SCN11A: variants seen among roughly 807,000 people sequenced by gnomAD.
SCN11A encodes sodium voltage-gated channel alpha subunit 11.
A neutral mutation model predicts 162.2 loss-of-function variants in SCN11A; 122 were observed. That is an observed-to-expected ratio of 0.75 (90% CI 0.65 to 0.87). The LOEUF (loss-of-function observed/expected upper bound fraction) is 0.87, where lower values mean the gene tolerates loss of function less well. Ranked by LOEUF, SCN11A falls within the 40% of genes least tolerant of loss-of-function variation. SCN11A has a pLI of 0.00. For synonymous variants in SCN11A, 758 were observed against 751.5 expected (o/e 1.01, Z -0.14); for missense variants, 2,015 against 2,181.6 (o/e 0.92, Z 1.52).
chr3:38,861,048 G>A (rs371922146), intron 28 of SCN11A, among the ~76,000 whole-genome samples: 1 of 152,014 alleles, frequency 6.6e-6, no homozygotes, highest in African/African-American at 2.4e-5. Flanking sequence ...TAAAGTTTCA[G>A]GATACAAAAT....
At chr3:39,037,116 G>A (rs899929633) in intron 1 of SCN11A, among the ~76,000 whole-genome samples, 1 of 152,210 alleles carries the variant, frequency 6.6e-6, no homozygotes. Context: ...AATGTGGCAC[G>A]TGTATACGAT....
chr3:38,867,805 C>A (rs1049212477), intron 26 of SCN11A, among the ~76,000 whole-genome samples: 1 of 152,072 alleles, frequency 6.6e-6, no homozygotes, highest in African/African-American at 2.4e-5. Context: ...CTGGAGGGAA[C>A]CTGACTGGAG....
At chr3:38,987,615 G>T (rs555966414) in intron 2 of SCN11A, among the ~76,000 whole-genome samples, 5 of 151,766 alleles carry the variant, frequency 3.3e-5, no homozygotes, top group African/African-American at 1.2e-4. Context: ...ACCTGAAGGG[G>T]TCTAACTTCA....
At chr3:38,870,216 C>T (rs962342824) in intron 26 of SCN11A, among the ~76,000 whole-genome samples, 1 of 152,154 alleles carries the variant, frequency 6.6e-6, no homozygotes, top group Non-Finnish European at 1.5e-5. Flanking sequence ...AACAGCTGGT[C>T]ATCACTAGAA....
chr3:38,900,494 A>G (rs921266314), intron 16 of SCN11A, among the ~76,000 whole-genome samples: 18 of 152,178 alleles, frequency 1.2e-4, no homozygotes, highest in African/African-American at 2.7e-4. Flanking sequence ...AAAACTAAGG[A>G]TAATTATCCC....
chr3:38,891,292 C>T (rs1029167450), intron 19 of SCN11A, among the ~76,000 whole-genome samples: 2 of 151,938 alleles, frequency 1.3e-5, no homozygotes, highest in African/African-American at 4.8e-5. Flanking sequence ...GAGAGACCAA[C>T]AGTACATTTG....
chr3:38,847,114 G>A lies in SCN11A; in HGVS notation c.4956C>T (p.Ala1652=), dbSNP rs770041868. 3 of 1,614,164 alleles carry A rather than the reference G, an allele frequency of 1.9e-6. No homozygotes were observed. The highest frequency in any genetic ancestry group is 2.2e-5 in the South Asian group (2 of 91,072). The change falls in exon 30 of 30, where the codon GCC becomes GCT. Residue 1652 remains alanine (A), a synonymous_variant. Coordinates refer to ENST00000302328, the MANE Select transcript of SCN11A (RefSeq NM_001349253.2). ...TTGCGACACGCAAAGGCTCAGGCAAGGCATCAGCAAAGTCAGAAAGGGCAG... is the reference window on the plus strand; with the variant it reads ...TTGCGACACGCAAAGGCTCAGGCAAAGCATCAGCAAAGTCAGAAAGGGCAG... ...KYSALSDFAD[A]LPEPLRVAKP...
chr3:38,883,529 T>C (rs2065345488), intron 21 of SCN11A, 142 bp from the exon 22 acceptor site: 1 of 722,550 alleles, frequency 1.4e-6, no homozygotes, highest in Non-Finnish European at 2.2e-6. Flanking sequence ...CATCTTTTTC[T>C]AACATCTTAA....
intron 23 of SCN11A, among the ~76,000 whole-genome samples, chr3:38,873,465 A>G (rs886350808): frequency 6.6e-6 from 1 of 152,196 alleles, no homozygotes; most frequent in Non-Finnish European, 1.5e-5. Flanking sequence ...CAGTGTATTT[A>G]TAATGTTTTT....
rs74963535 is a variant in SCN11A, at chr3:38,923,350, T to C, written c.712+2065A>G. 4.4e-3 allele frequency among the ~76,000 whole-genome samples: 674 copies of C among 152,288 alleles called. 1 individual carries two copies. Among genetic ancestry groups the C allele is most frequent in the Non-Finnish European group, 7.5e-3 (513 of 68,028 alleles). ...TATAGACCCTTGATTCCTGAAATGG[T>C]ATCTCTAGCTCTGACTTCTCCCTGG... is the stretch of plus-strand genomic sequence containing the variant. On this transcript the variant is annotated intron_variant, in intron 9 of 29. Coordinates refer to ENST00000302328, the MANE Select transcript of SCN11A (RefSeq NM_001349253.2).
intron 2 of SCN11A, among the ~76,000 whole-genome samples, chr3:39,017,107 C>T (rs143676076): frequency 1.5e-4 from 23 of 152,108 alleles, no homozygotes; most frequent in Middle Eastern, 3.4e-3. Context: ...GAGAGTGGAG[C>T]CCTCAGGAAT....
At chr3:38,928,004 T>A (rs568375976) in intron 7 of SCN11A, among the ~76,000 whole-genome samples, 2 of 152,280 alleles carry the variant, frequency 1.3e-5, no homozygotes, top group East Asian at 3.9e-4. Flanking sequence ...GCCAAATTAT[T>A]TTCCACAAGG....
At chr3:38,867,933 T>C (rs2065068022) in intron 26 of SCN11A, among the ~76,000 whole-genome samples, 1 of 152,196 alleles carries the variant, frequency 6.6e-6, no homozygotes, top group Non-Finnish European at 1.5e-5. Context: ...TATGTGGTAA[T>C]GTCCTTTCAC....
chr3:38,959,273 T>C (rs1260162743), intron 3 of SCN11A, among the ~76,000 whole-genome samples: 3 of 152,216 alleles, frequency 2.0e-5, no homozygotes, highest in Non-Finnish European at 4.4e-5. Flanking sequence ...CATTAGGTCT[T>C]ACAGAAATTG....
chr3:38,903,090 AG>A (rs1461705825), intron 16 of SCN11A, among the ~76,000 whole-genome samples: 1 of 152,180 alleles, frequency 6.6e-6, no homozygotes, highest in Non-Finnish European at 1.5e-5. Context: ...TTTTTAAATT[AG>A]AAAGATAAAA....
chr3:39,044,486 A>T (rs546421309), intron 1 of SCN11A, among the ~76,000 whole-genome samples: 1 of 152,196 alleles, frequency 6.6e-6, no homozygotes, highest in Non-Finnish European at 1.5e-5. Context: ...TCTGACTACA[A>T]TGAAATAAAA....
Position 38,904,090 on chromosome 3 carries a change from T to C in SCN11A, c.1617A>G (p.Ser539=). 6.4e-7 allele frequency: 1 copy of C among 1,568,000 alleles called. No homozygotes were observed. ...LTITMKEQEK[S]QEPCLPCGEN... is the part of the protein sequence containing the mutation. The stretch of plus-strand genomic sequence containing the variant: ...CTCCACAAGGGAGACAAGGCTCTTG[T>C]GATTTTTCTTGTTCTGGAGGAGAAT... Residue 539 remains serine (S), a synonymous_variant, in exon 16 of 30, where the codon TCA becomes TCG. Transcript: ENST00000302328.
rs564956719 is a variant in SCN11A at position 38,939,926 on chromosome 3, A to T, written c.488+5485T>A. Among the ~76,000 whole-genome samples the T allele has an allele frequency of 9.9e-5, 15 of 151,932 alleles. No homozygotes were observed. The East Asian group carries it at 2.7e-3, about 27-fold the overall frequency. Reference sequence around the variant, plus strand: ...CTCAAAAAAAAAAAAAATTTAATACATGGGAAAGATGGGGAGGAGCCATAC... The same window carrying T: ...CTCAAAAAAAAAAAAAATTTAATACTTGGGAAAGATGGGGAGGAGCCATAC... On this transcript the variant is annotated intron_variant, in intron 7 of 29. Coordinates refer to ENST00000302328, the MANE Select transcript of SCN11A (RefSeq NM_001349253.2).
chr3:39,006,464 CA>C (rs1267158932), intron 2 of SCN11A, among the ~76,000 whole-genome samples: 3 of 152,050 alleles, frequency 2.0e-5, no homozygotes, highest in Non-Finnish European at 4.4e-5. Context: ...CATGCCCCAC[CA>C]TTATATAACC....
Sources: allele counts gnomAD v4.1 joint callset (sites outside exome capture counted in the v4.1 genomes callset), GRCh38; gene constraint gnomAD v4.1.1; transcripts MANE v1.5; gene names NCBI Gene and HGNC (gene_info 2026-07-23, HGNC 2026-07-21).